Variants in PLXDC2 observed in about 807,000 individuals in gnomAD.
PLXDC2 encodes plexin domain containing 2.
A neutral mutation model predicts 68.9 loss-of-function variants in PLXDC2; 40 were observed. That is an observed-to-expected ratio of 0.58 (90% CI 0.45 to 0.76). The LOEUF is 0.76. Ranked by LOEUF, PLXDC2 falls within the 30% of genes least tolerant of loss-of-function variation. PLXDC2 has a pLI of 0.00. For synonymous variants in PLXDC2, 243 were observed against 234.2 expected (o/e 1.04, Z -0.34); for missense variants, 644 against 661.9 (o/e 0.97, Z 0.30).
chr10:19,825,278 A>G (rs2131998386), intron 1 of PLXDC2, among the ~76,000 whole-genome samples: 1 of 152,278 alleles, frequency 6.6e-6, no homozygotes, highest in South Asian at 2.1e-4. Flanking sequence ...TAAGGTGTGT[A>G]GCTCATTGAG....
chr10:20,159,243 G>A (rs777211580), intron 6 of PLXDC2, among the ~76,000 whole-genome samples: 1 of 152,156 alleles, frequency 6.6e-6, no homozygotes, highest in African/African-American at 2.4e-5. Flanking sequence ...CGTGAAGTGA[G>A]TGAGTCCTCT....
chr10:20,164,892 T>G (rs1487734102), intron 7 of PLXDC2, among the ~76,000 whole-genome samples: 1 of 152,176 alleles, frequency 6.6e-6, no homozygotes, highest in Non-Finnish European at 1.5e-5. Context: ...CACAGCTCAC[T>G]GCAACCTTGA....
At chr10:19,837,527 G>A (rs1836822640) in intron 1 of PLXDC2, among the ~76,000 whole-genome samples, 1 of 151,864 alleles carries the variant, frequency 6.6e-6, no homozygotes, top group Non-Finnish European at 1.5e-5. Flanking sequence ...GCTTAGGTCA[G>A]GTTCTGATAA....
At chr10:19,946,245 A>T (rs1589550245) in intron 1 of PLXDC2, among the ~76,000 whole-genome samples, 1 of 152,274 alleles carries the variant, frequency 6.6e-6, no homozygotes, top group East Asian at 1.9e-4. Context: ...TGTAGATTTA[A>T]TAATAGGGGA....
At chr10:20,047,789 CGGA>C (rs1329169204) in intron 3 of PLXDC2, among the ~76,000 whole-genome samples, 1 of 152,050 alleles carries the variant, frequency 6.6e-6, no homozygotes, top group Non-Finnish European at 1.5e-5. Context: ...GATAAGAGAA[CGGA>C]GGAGTCTTGG....
intron 1 of PLXDC2, among the ~76,000 whole-genome samples, chr10:19,979,397 T>C (rs1834511348): frequency 1.3e-5 from 2 of 151,090 alleles, no homozygotes; most frequent in South Asian, 4.2e-4. Context: ...TTTTTTTTTT[T>C]AGACTGAGTC....
intron 1 of PLXDC2, among the ~76,000 whole-genome samples, chr10:19,868,438 C>T (rs1438120723): frequency 6.6e-6 from 1 of 152,128 alleles, no homozygotes; most frequent in Non-Finnish European, 1.5e-5. Context: ...GTTCTGCCAA[C>T]GTTTAGCAAA....
At chr10:19,897,539 C>T (rs775172614) in intron 1 of PLXDC2, among the ~76,000 whole-genome samples, 2 of 152,270 alleles carry the variant, frequency 1.3e-5, no homozygotes, top group Non-Finnish European at 2.9e-5. Context: ...GCCACCACGC[C>T]GGGCCAATTC....
At chr10:20,203,866 T>C (rs1304466046) in intron 9 of PLXDC2, among the ~76,000 whole-genome samples, 2 of 152,206 alleles carry the variant, frequency 1.3e-5, no homozygotes, top group Admixed American at 6.5e-5. Context: ...GTTCTTGTAT[T>C]CTGCAGATAA....
rs543610022 is a variant in PLXDC2, at chr10:20,096,035, G to A, written c.541+27796G>A. 2.6e-5 allele frequency among the ~76,000 whole-genome samples: 4 copies of A among 152,252 alleles called. No individual in the cohort carries two copies. In the South Asian group the frequency reaches 8.3e-4, roughly 32 times the overall value. On this transcript the variant is annotated intron_variant, in intron 4 of 13. Coordinates refer to ENST00000377252, the MANE Select transcript of PLXDC2 (RefSeq NM_032812.9). The stretch of plus-strand genomic sequence containing the variant: ...TTTTTCCCAAATTAATTTGGCCATA[G>A]AACTCCTTCTTTCTTCTTCTTCTTC...
chr10:20,027,550 A>G (rs1835425046), intron 2 of PLXDC2, among the ~76,000 whole-genome samples: 1 of 152,166 alleles, frequency 6.6e-6, no homozygotes, highest in Non-Finnish European at 1.5e-5. Context: ...CTGTTATAGC[A>G]GCACAAATGG....
chr10:19,989,451 T>C (rs1355531185), intron 1 of PLXDC2, among the ~76,000 whole-genome samples: 4 of 152,144 alleles, frequency 2.6e-5, no homozygotes, highest in Non-Finnish European at 4.4e-5. Context: ...TTAAATATAA[T>C]ATATAGCCAA....
At chr10:20,136,912 C>T (rs1833941615) in intron 4 of PLXDC2, among the ~76,000 whole-genome samples, 1 of 152,196 alleles carries the variant, frequency 6.6e-6, no homozygotes, top group Non-Finnish European at 1.5e-5. Context: ...TACTGTGACA[C>T]TTCCAATTAA....
chr10:19,958,161 G>C (rs1196365271), intron 1 of PLXDC2, among the ~76,000 whole-genome samples: 1 of 151,944 alleles, frequency 6.6e-6, no homozygotes, highest in Admixed American at 6.6e-5. Context: ...GTTTCACGTA[G>C]AGAAGAGCAG....
chr10:19,876,388 T>A (rs1189337483), intron 1 of PLXDC2, among the ~76,000 whole-genome samples: 1 of 152,088 alleles, frequency 6.6e-6, no homozygotes, highest in East Asian at 1.9e-4. Flanking sequence ...TTATGCTGCA[T>A]GTATATCTTC....
chr10:19,982,716 T>A (rs1424902677), intron 1 of PLXDC2, among the ~76,000 whole-genome samples: 1 of 152,132 alleles, frequency 6.6e-6, no homozygotes, highest in African/African-American at 2.4e-5. Flanking sequence ...TGCCTTTATA[T>A]CTTTAAAAAT....
chr10:19,941,106 G>A (rs984046127), intron 1 of PLXDC2, among the ~76,000 whole-genome samples: 1 of 152,162 alleles, frequency 6.6e-6, no homozygotes, highest in Admixed American at 6.5e-5. Flanking sequence ...CCATGCCTCT[G>A]TTTCATTTTA....
rs1429379437 is a variant in PLXDC2 at position 20,044,259 on chromosome 10, TTC to T, written c.325-2608_325-2607del. On this transcript the variant is annotated intron_variant, in intron 2 of 13. Transcript: ENST00000377252. Reference sequence around the variant, plus strand: ...TTTCTTTCTTTCTTTCTTTCTTTCTTTCTTTCTTTCTTTCTTTCTTTCTTTCT... The same window carrying T: ...TTTCTTTCTTTCTTTCTTTCTTTCTTTTTCTTTCTTTCTTTCTTTCTTTCT... Among the ~76,000 whole-genome samples, 5 of 131,402 alleles carry T rather than the reference TTC, an allele frequency of 3.8e-5. 1 individual carries two copies. The highest frequency in any genetic ancestry group is 1.3e-4 in the African/African-American group (4 of 29,928). 86.2% of individuals were successfully genotyped at this position (131,402 alleles called of 152,430 possible).
chr10:20,114,143 C>G (rs1055809202), intron 4 of PLXDC2, among the ~76,000 whole-genome samples: 2 of 152,086 alleles, frequency 1.3e-5, no homozygotes, highest in African/African-American at 4.8e-5. Context: ...TAAAATAAAA[C>G]AGAAAACAAT....
Sources: allele counts gnomAD v4.1 joint callset (sites outside exome capture counted in the v4.1 genomes callset), GRCh38; gene constraint gnomAD v4.1.1; transcripts MANE v1.5; gene names NCBI Gene and HGNC (gene_info 2026-07-23, HGNC 2026-07-21).